SCD5: variants seen among roughly 807,000 people sequenced by gnomAD.
SCD5 encodes stearoyl-CoA desaturase 5.
A neutral mutation model predicts 30.4 loss-of-function variants in SCD5; 20 were observed. That is an observed-to-expected ratio of 0.66 (90% CI 0.46 to 0.96). SCD5 has a LOEUF of 0.96. Ranked by LOEUF, SCD5 falls within the 40% of genes least tolerant of loss-of-function variation. The pLI, the probability that SCD5 is intolerant of heterozygous loss-of-function variation, is 0.00. For missense variants in SCD5, 381 were observed against 443.3 expected (o/e 0.86, Z 1.26); for synonymous variants, 173 against 176.4 (o/e 0.98, Z 0.16).
At chr4:82,725,569 T>G (rs1720451119) in intron 1 of SCD5, among the ~76,000 whole-genome samples, 1 of 86,430 alleles carries the variant, frequency 1.2e-5, no homozygotes, top group Non-Finnish European at 2.0e-5. Flanking sequence ...CTTTAGAAAA[T>G]AAAGCCTGGA....
chr4:82,785,010 G>A (rs764061682), intron 1 of SCD5, among the ~76,000 whole-genome samples: 2 of 152,202 alleles, frequency 1.3e-5, no homozygotes, highest in Non-Finnish European at 2.9e-5. Context: ...AGCTCTGTCT[G>A]TAGGGAATAT....
chr4:82,666,392 T>C (rs1328447385), intron 3 of SCD5, among the ~76,000 whole-genome samples: 3 of 152,118 alleles, frequency 2.0e-5, no homozygotes, highest in Non-Finnish European at 4.4e-5. Flanking sequence ...GGCGGGCGCC[T>C]GTAGTCCCAC....
intron 1 of SCD5, among the ~76,000 whole-genome samples, chr4:82,747,026 G>A (rs183178091): frequency 2.1e-5 from 3 of 140,918 alleles, no homozygotes; most frequent in Non-Finnish European, 4.6e-5. Context: ...GGCACCAAGG[G>A]GAGTTCGGTT....
chr4:82,779,016 C>T (rs1454937086), intron 1 of SCD5, among the ~76,000 whole-genome samples: 1 of 152,020 alleles, frequency 6.6e-6, no homozygotes, highest in Non-Finnish European at 1.5e-5. Flanking sequence ...CAGGCATGCG[C>T]CACCACGCCT....
chr4:82,747,071 C>CCCCCA (rs1721009213), intron 1 of SCD5, among the ~76,000 whole-genome samples: 1 of 103,102 alleles, frequency 9.7e-6, no homozygotes, highest in Non-Finnish European at 2.1e-5. Flanking sequence ...GGCAACCTGC[C>CCCCCA]CCCCAAGAAA....
intron 3 of SCD5, among the ~76,000 whole-genome samples, chr4:82,663,836 A>G (rs1728100427): frequency 6.6e-6 from 1 of 152,206 alleles, no homozygotes; most frequent in Non-Finnish European, 1.5e-5. Context: ...AGGGAGAGAC[A>G]GAAGCAAAAA....
At chr4:82,789,357 A>G (rs145797582) in intron 1 of SCD5, among the ~76,000 whole-genome samples, 261 of 152,324 alleles carry the variant, frequency 1.7e-3, no homozygotes, top group African/African-American at 5.9e-3. Context: ...CATCAAAAGG[A>G]AAAACTGCAA....
At position 82,631,142 on chromosome 4, in the gene SCD5, GT is replaced by G. The variant is rs1470601813; in HGVS notation, c.*184del. 9 of 501,012 alleles carry G rather than the reference GT, an allele frequency of 1.8e-5. No individual in the cohort carries two copies. Among genetic ancestry groups the G allele is most frequent in the East Asian group, 1.0e-4 (3 of 29,328 alleles). The allele number at this position is 501,012 out of a possible 1,614,324, so 31.0% of individuals were successfully genotyped here. A position where few individuals can be genotyped will look rare whatever the true frequency, so the allele number is the denominator to read the frequency against. ...AAAACAAACAAAAAAAAAAACGAAA[GT>G]TTTTTCATTGATAATTGTATTTCAA... is the stretch of plus-strand genomic sequence containing the variant. On this transcript the variant is annotated 3_prime_UTR_variant, in exon 5 of 5. Coordinates refer to ENST00000319540, the MANE Select transcript of SCD5 (RefSeq NM_001037582.3).
intron 4 of SCD5, among the ~76,000 whole-genome samples, chr4:82,632,395 A>G (rs1577997076): frequency 6.6e-6 from 1 of 151,990 alleles, no homozygotes; most frequent in Non-Finnish European, 1.5e-5. Flanking sequence ...ATAGTATTCC[A>G]TGGTGTATAT....
intron 3 of SCD5, chr4:82,660,408 C>A: frequency 1.2e-6 from 1 of 820,174 alleles, no homozygotes; most frequent in Non-Finnish European, 1.5e-6. Flanking sequence ...GAAATGATAG[C>A]TTAAACTCCT....
chr4:82,767,823 A>G (rs745663853), intron 1 of SCD5, among the ~76,000 whole-genome samples: 4 of 152,214 alleles, frequency 2.6e-5, no homozygotes, highest in Non-Finnish European at 5.9e-5. Context: ...AACCCACATC[A>G]CAAGATAATA....
intron 1 of SCD5, among the ~76,000 whole-genome samples, chr4:82,726,279 TG>T: frequency 6.6e-6 from 1 of 152,060 alleles, no homozygotes; most frequent in East Asian, 1.9e-4. Flanking sequence ...TAGCCGGGCG[TG>T]GTGGCTCGTG....
At chr4:82,649,398 T>C (rs2148814364) in intron 3 of SCD5, among the ~76,000 whole-genome samples, 1 of 152,274 alleles carries the variant, frequency 6.6e-6, no homozygotes, top group Non-Finnish European at 1.5e-5. Context: ...GTAATTATAA[T>C]AAGGGAAATG....
intron 2 of SCD5, among the ~76,000 whole-genome samples, chr4:82,693,131 C>T (rs1719599618): frequency 6.6e-6 from 1 of 152,106 alleles, no homozygotes; most frequent in Non-Finnish European, 1.5e-5. Context: ...TGCTCTGCTC[C>T]CGATTGTAGG....
At chr4:82,754,076 G>C (rs1280895205) in intron 1 of SCD5, among the ~76,000 whole-genome samples, 1 of 152,124 alleles carries the variant, frequency 6.6e-6, no homozygotes, top group Non-Finnish European at 1.5e-5. Context: ...CTGAGAAAGG[G>C]GCAAGGCTGA....
At chr4:82,743,435 G>C (rs192289435) in intron 1 of SCD5, among the ~76,000 whole-genome samples, 33 of 152,274 alleles carry the variant, frequency 2.2e-4, no homozygotes, top group African/African-American at 7.5e-4. Flanking sequence ...AGGATCTCTT[G>C]AGCCCAGGAG....
chr4:82,680,774 T>C lies in SCD5; in HGVS notation c.502A>G (p.Ile168Val). ...ACGTCAAGCTTTCTCCCCTTCTCAA[T>C]AACATCTCGATGCTTGCGAACAAAC... is the stretch of plus-strand genomic sequence containing the variant. ...WLFVRKHRDV[I>V]EKGRKLDVTD... The change falls in exon 3 of 5, where the codon ATT becomes GTT. Residue 168 changes from isoleucine to valine, a missense_variant. Physicochemically the swap from Ile to Val is conservative, Grantham distance 29. Transcript: ENST00000319540. The C allele has an allele frequency of 6.2e-7, 1 of 1,613,762 alleles. No homozygotes were observed. Among genetic ancestry groups the C allele is most frequent in the South Asian group, 1.1e-5 (1 of 91,066 alleles).
At position 82,699,719 on chromosome 4, in the gene SCD5, T is replaced by C. The variant is rs572467556; in HGVS notation, c.363+5564A>G. Among the ~76,000 whole-genome samples the C allele has an allele frequency of 7.9e-5, 12 of 151,392 alleles. No homozygotes were observed. In the East Asian group the frequency reaches 2.4e-3, roughly 30 times the overall value. ...CCACTGTCACCAGGCTGAAGTGCAGTGGCACAATCTCAGCTTACTGCAACC... is the reference window on the plus strand; with the variant it reads ...CCACTGTCACCAGGCTGAAGTGCAGCGGCACAATCTCAGCTTACTGCAACC... On this transcript the variant is annotated intron_variant, in intron 2 of 4. Coordinates refer to ENST00000319540, the MANE Select transcript of SCD5 (RefSeq NM_001037582.3).
At chr4:82,726,288 G>A (rs1377128019) in intron 1 of SCD5, among the ~76,000 whole-genome samples, 6 of 151,930 alleles carry the variant, frequency 3.9e-5, no homozygotes, top group African/African-American at 9.7e-5. Context: ...GTGGTGGCTC[G>A]TGCCTGTAAT....
Sources: allele counts gnomAD v4.1 joint callset (sites outside exome capture counted in the v4.1 genomes callset), GRCh38; gene constraint gnomAD v4.1.1; transcripts MANE v1.5; gene names NCBI Gene and HGNC (gene_info 2026-07-23, HGNC 2026-07-21).